The following WDR1 variants were observed in gnomAD, a reference collection of about 807,000 sequenced individuals.
WDR1 encodes the protein WD repeat-containing protein 1.
WDR1 carries 21 observed loss-of-function variants against 71.9 expected under a neutral mutation model. That is an observed-to-expected ratio of 0.29 (90% CI 0.21 to 0.42). The LOEUF is 0.42. WDR1 is among the 10% of genes least tolerant of loss of function. The pLI, the probability that WDR1 is intolerant of heterozygous loss-of-function variation, is 1.00. For missense variants in WDR1, 696 were observed against 824.5 expected (o/e 0.84, Z 1.91); for synonymous variants, 424 against 347.4 (o/e 1.22, Z -2.45).
chr4:10,092,626 C>T (rs1245322324), intron 5 of WDR1: 13 of 232,514 alleles, frequency 5.6e-5, no homozygotes, highest in East Asian at 5.5e-4. Context: ...TCCTGCACCT[C>T]GAGCCAAGGA....
rs1382875762 is a variant in WDR1, at chr4:10,116,764, G to A, written c.-98C>T. ...GCCGAGGCCGAGCCCGGGGACTGGA[G>A]CCGGAAGGCGGCACCGGGCGTGCCG... On this transcript the variant is annotated 5_prime_UTR_variant, in exon 1 of 15. Coordinates refer to ENST00000499869, the MANE Select transcript of WDR1 (RefSeq NM_017491.5). 38 of 1,229,710 alleles carry A rather than the reference G, an allele frequency of 3.1e-5. No homozygotes were observed. Among genetic ancestry groups the A allele is most frequent in the African/African-American group, 9.5e-5 (6 of 63,226 alleles). The allele number at this position is 1,229,710 out of a possible 1,614,324, so 76.2% of individuals were successfully genotyped here. A position where few individuals can be genotyped will look rare whatever the true frequency, so the allele number is the denominator to read the frequency against.
intron 2 of WDR1, among the ~76,000 whole-genome samples, chr4:10,106,041 G>A (rs1348498438): frequency 6.9e-6 from 1 of 145,680 alleles, no homozygotes; most frequent in African/African-American, 2.5e-5. Context: ...TCATATGAAA[G>A]AAGATTTTAG....
intron 8 of WDR1, among the ~76,000 whole-genome samples, chr4:10,085,046 C>T (rs2241477): frequency 0.32 from 48,117 of 152,172 alleles, 7,932 homozygotes; most frequent in East Asian, 0.54. Flanking sequence ...CAAGGCTGTC[C>T]GTGAACGCTG....
chr4:10,116,581 G>T, intron 1 of WDR1, 70 bp downstream of exon 1: 1 of 1,111,872 alleles, frequency 9.0e-7, no homozygotes, highest in Non-Finnish European at 1.1e-6. Context: ...CCCGCACGGC[G>T]CCTAGGGGCC....
chr4:10,091,021 T>TG (rs1007775942), intron 5 of WDR1, among the ~76,000 whole-genome samples: 3 of 152,232 alleles, frequency 2.0e-5, no homozygotes, highest in Non-Finnish European at 4.4e-5. Flanking sequence ...TCATGAGCGA[T>TG]GGGGCTGGCG....
rs994440374 is a variant in WDR1 at position 10,093,033 on chromosome 4, T to TCC, written c.559-4294_559-4293dup. On this transcript the variant is annotated intron_variant, in intron 5 of 14. Transcript: ENST00000499869. ...TCCTCACTCCCTCCCACCAATATGC[T>TCC]CCCTCTCACCACCGAGGAAACCGAG... 3.1e-6 allele frequency: 4 copies of TCC among 1,285,412 alleles called. No individual in the cohort carries two copies. The African/African-American group carries it at 6.1e-5, about 20-fold the overall frequency. The allele number at this position is 1,285,412 out of a possible 1,614,324, so 79.6% of individuals were successfully genotyped here.
chr4:10,083,666 C>T (rs886283909), intron 9 of WDR1: 2 of 474,124 alleles, frequency 4.2e-6, no homozygotes, highest in Admixed American at 2.2e-5. Flanking sequence ...TCAGGGAGGG[C>T]AGCAGAACAA....
intron 8 of WDR1, 97 bp downstream of exon 8, chr4:10,087,610 T>C (rs1390179148): frequency 6.5e-6 from 8 of 1,224,512 alleles, no homozygotes; most frequent in Non-Finnish European, 9.0e-6. Context: ...CTCTCTAGCT[T>C]CCACCTGGCT....
chr4:10,083,678 G>A (rs1167432033), intron 9 of WDR1: 7 of 467,260 alleles, frequency 1.5e-5, no homozygotes, highest in East Asian at 1.3e-4. Context: ...GCAGAACAAC[G>A]CACAGCAGGT....
At chr4:10,098,024 C>T in intron 4 of WDR1, 133 bp from the exon 5 acceptor site, 1 of 914,022 alleles carries the variant, frequency 1.1e-6, no homozygotes, top group Non-Finnish European at 1.6e-6. Flanking sequence ...GCTCAGAACG[C>T]CACAGGGACA....
intron 5 of WDR1, among the ~76,000 whole-genome samples, chr4:10,097,121 G>T (rs926720507): frequency 6.6e-6 from 1 of 152,284 alleles, no homozygotes; most frequent in African/African-American, 2.4e-5. Context: ...GAAGGGAGAA[G>T]TGAGGAGGCT....
At chr4:10,077,703 C>T (rs1467082193) in intron 13 of WDR1, 50 bp downstream of exon 13, 3 of 1,501,932 alleles carry the variant, frequency 2.0e-6, no homozygotes, top group Non-Finnish European at 2.7e-6. Context: ...CTCCCACTGC[C>T]ACCTGCACCG....
At chr4:10,106,236 T>C (rs952079624) in intron 2 of WDR1, among the ~76,000 whole-genome samples, 4 of 152,214 alleles carry the variant, frequency 2.6e-5, no homozygotes, top group Admixed American at 6.5e-5. Flanking sequence ...AGACAAATTC[T>C]ACTGTATCTA....
In WDR1 at chr4:10,086,578, G is replaced by A. The variant is rs573375700; in HGVS notation, c.951+1129C>T. Among the ~76,000 whole-genome samples, 1,445 of 152,316 alleles carry A rather than the reference G, an allele frequency of 9.5e-3. 13 individuals are homozygous for A. The highest frequency in any genetic ancestry group is 0.013 in the Non-Finnish European group (917 of 68,028). On this transcript the variant is annotated intron_variant, in intron 8 of 14. Coordinates refer to ENST00000499869, the MANE Select transcript of WDR1 (RefSeq NM_017491.5). Reference sequence around the variant, plus strand: ...GTGTGAAGGAGCCACTGACAGCACAGCACGGGCCGAGTGCACAGGCCCGGG... The same window carrying A: ...GTGTGAAGGAGCCACTGACAGCACAACACGGGCCGAGTGCACAGGCCCGGG...
intron 5 of WDR1, chr4:10,096,470 A>C (rs973366518): frequency 3.3e-5 from 5 of 152,242 alleles, no homozygotes; most frequent in African/African-American, 1.2e-4. Flanking sequence ...CCGCGTGTTC[A>C]GCTGCATACA....
At chr4:10,078,093 G>A (rs1431216833) in intron 12 of WDR1, among the ~76,000 whole-genome samples, 167 bp from the exon 13 acceptor site, 1 of 152,228 alleles carries the variant, frequency 6.6e-6, no homozygotes, top group African/African-American at 2.4e-5. Context: ...GGATGGGCCT[G>A]AAACCTACGC....
rs1712446405 is a variant in WDR1, at chr4:10,097,883, G to A, written c.386C>T (p.Ala129Val). Reference protein sequence around the residue: ...VVGEGREKFGAVFLWDSGSSV... With the variant: ...VVGEGREKFGVVFLWDSGSSV... ...AGAGCCACTATCCCAGAGGAAGACTGCTCCAAACCTTGACCCAATGACACA... is the reference window on the plus strand; with the variant it reads ...AGAGCCACTATCCCAGAGGAAGACTACTCCAAACCTTGACCCAATGACACA... Residue 129 changes from alanine to valine, a missense_variant, in exon 5 of 15, where the codon GCA becomes GTA. Ala to Val is a moderately conservative substitution (Grantham distance 64). Coordinates refer to ENST00000499869, the MANE Select transcript of WDR1 (RefSeq NM_017491.5). The A allele has an allele frequency of 6.3e-7, 1 of 1,581,060 alleles. No homozygotes were observed. The highest frequency in any genetic ancestry group is 2.3e-5 in the East Asian group (1 of 43,862).
At chr4:10,083,738 T>A (rs1578420296) in intron 9 of WDR1, 1 of 456,040 alleles carries the variant, frequency 2.2e-6, no homozygotes. Context: ...ACTCTGCAGA[T>A]GGTGGCTCCA....
At chr4:10,105,736 C>A (rs143287040) in intron 2 of WDR1, among the ~76,000 whole-genome samples, 1 of 152,224 alleles carries the variant, frequency 6.6e-6, no homozygotes, top group African/African-American at 2.4e-5. Context: ...TAAACAGACA[C>A]TACTCACACC....
Sources: allele counts gnomAD v4.1 joint callset (sites outside exome capture counted in the v4.1 genomes callset), GRCh38; gene constraint gnomAD v4.1.1; transcripts MANE v1.5; gene names NCBI Gene and HGNC (gene_info 2026-07-23, HGNC 2026-07-21).